The following RAI14 variants were observed in gnomAD, a reference collection of about 807,000 sequenced individuals.
The protein encoded by RAI14 is retinoic acid induced 14, also known as ankycorbin.
A neutral mutation model predicts 115.4 loss-of-function variants in RAI14; 45 were observed. That is an observed-to-expected ratio of 0.39 (90% CI 0.31 to 0.50). The LOEUF (loss-of-function observed/expected upper bound fraction) is 0.50, where lower values mean the gene tolerates loss of function less well. RAI14 is among the 20% of genes least tolerant of loss of function. The pLI, the probability that RAI14 is intolerant of heterozygous loss-of-function variation, is 0.85. For missense variants in RAI14, 939 were observed against 1,131.2 expected (o/e 0.83, Z 2.44); for synonymous variants, 371 against 415.4 (o/e 0.89, Z 1.30).
intron 2 of RAI14, among the ~76,000 whole-genome samples, chr5:34,715,822 G>C (rs1741914774): frequency 6.6e-6 from 1 of 152,150 alleles, no homozygotes; most frequent in African/African-American, 2.4e-5. Context: ...ATAAGAGGTG[G>C]TCAGTAAAAC....
chr5:34,763,223 C>G (rs187789650), intron 3 of RAI14, among the ~76,000 whole-genome samples: 16 of 152,274 alleles, frequency 1.1e-4, no homozygotes, highest in African/African-American at 3.4e-4. Context: ...GCAGTTCAGT[C>G]TTGGAAATCG....
chr5:34,708,867 C>G (rs1134341), intron 2 of RAI14, among the ~76,000 whole-genome samples: 50,498 of 151,878 alleles, frequency 0.33, 10,285 homozygotes, highest in African/African-American at 0.59. Flanking sequence ...AACTGGGCAG[C>G]CATGGTGGCT....
At chr5:34,749,213 A>T (rs909324502) in intron 2 of RAI14, among the ~76,000 whole-genome samples, 2 of 152,222 alleles carry the variant, frequency 1.3e-5, no homozygotes, top group Non-Finnish European at 2.9e-5. Flanking sequence ...TTTTCTCAAG[A>T]TAATCTCAGA....
intron 2 of RAI14, among the ~76,000 whole-genome samples, chr5:34,752,938 A>G (rs1747320650): frequency 6.6e-6 from 1 of 151,734 alleles, no homozygotes; most frequent in Non-Finnish European, 1.5e-5. Context: ...CAGTCCAGAA[A>G]TGTATTTTAT....
At chr5:34,817,546 T>C (rs988954668) in intron 12 of RAI14, among the ~76,000 whole-genome samples, 4 of 152,146 alleles carry the variant, frequency 2.6e-5, no homozygotes, top group African/African-American at 9.7e-5. Flanking sequence ...TATGCAAATG[T>C]TTGTAGCAGC....
intron 2 of RAI14, among the ~76,000 whole-genome samples, chr5:34,699,245 T>C (rs901990479): frequency 2.6e-5 from 4 of 152,258 alleles, no homozygotes; most frequent in African/African-American, 9.6e-5. Context: ...GTGCTGTATG[T>C]ATTCCCAGTT....
chr5:34,777,057 G>T (rs891070591), intron 3 of RAI14, among the ~76,000 whole-genome samples: 1 of 151,046 alleles, frequency 6.6e-6, no homozygotes, highest in Non-Finnish European at 1.5e-5. Context: ...CGTAATACCA[G>T]CAGGAGGCTG....
intron 2 of RAI14, among the ~76,000 whole-genome samples, chr5:34,748,698 C>T (rs1426067306): frequency 6.6e-6 from 1 of 151,984 alleles, no homozygotes; most frequent in East Asian, 1.9e-4. Flanking sequence ...TTGGGAGCCT[C>T]ATGCCTATAA....
chr5:34,782,609 A>C (rs78006747), intron 3 of RAI14, among the ~76,000 whole-genome samples: 6,618 of 152,260 alleles, frequency 0.043, 199 homozygotes, highest in Non-Finnish European at 0.068. Context: ...ATTCTTTCCC[A>C]AAATTTGATC....
intron 3 of RAI14, 115 bp downstream of exon 3, chr5:34,757,713 G>A: frequency 7.7e-7 from 1 of 1,306,300 alleles, no homozygotes; most frequent in Non-Finnish European, 1.0e-6. Context: ...CTCCCATGTT[G>A]AAATATGTAA....
At chr5:34,803,507 T>C (rs1174945001) in intron 4 of RAI14, among the ~76,000 whole-genome samples, 1 of 152,000 alleles carries the variant, frequency 6.6e-6, no homozygotes, top group Non-Finnish European at 1.5e-5. Context: ...CAGAGAGCCA[T>C]GATCGCGTCA....
At chr5:34,822,490 C>T (rs1756962102) in intron 14 of RAI14, among the ~76,000 whole-genome samples, 1 of 151,124 alleles carries the variant, frequency 6.6e-6, no homozygotes, top group African/African-American at 2.4e-5. Flanking sequence ...AATCGTCTGT[C>T]CCAATAGAAC....
intron 2 of RAI14, among the ~76,000 whole-genome samples, chr5:34,754,766 T>A (rs571171404): frequency 1.2e-4 from 19 of 152,314 alleles, no homozygotes; most frequent in African/African-American, 4.1e-4. Flanking sequence ...AAGAGCAGGA[T>A]AGGGAAGATC....
rs562262652 is a variant in RAI14, at chr5:34,707,317, A to AT, written c.36+20364dup. ...CCACATCTCTACTAAAAATACAGAA[A>AT]TTAGCCCGACGTGGTGTCAGGTGCC... On this transcript the variant is annotated intron_variant, in intron 2 of 17. Coordinates refer to ENST00000265109, the MANE Select transcript of RAI14 (RefSeq NM_015577.3). 1.1e-4 allele frequency among the ~76,000 whole-genome samples: 17 copies of AT among 152,274 alleles called. No individual in the cohort carries two copies. The East Asian group carries it at 3.3e-3, about 29-fold the overall frequency.
In RAI14 at chr5:34,823,973, A is replaced by C. The variant is rs1757180282; in HGVS notation, c.2131A>C (p.Asn711His). ...GAAGTCTCAGTATTCAAAAGTGTTG[A>C]ATGAGTTGACCCAGCTCAAACAACT... ...EMKSQYSKVL[N>H]ELTQLKQLVD... The change falls in exon 15 of 18, where the codon AAT (asparagine) becomes CAT (histidine). Residue 711 changes from asparagine to histidine, a missense_variant. Physicochemically the swap from Asn to His is moderately conservative, Grantham distance 68. Transcript: ENST00000265109. This position sits in a 1 kb window ranked among gnomAD's most constrained non-coding sequence, Gnocchi z 4.5. The C allele has an allele frequency of 6.2e-7, 1 of 1,614,102 alleles. No homozygotes were observed. The highest frequency in any genetic ancestry group is 8.5e-7 in the Non-Finnish European group (1 of 1,179,948).
intron 11 of RAI14, among the ~76,000 whole-genome samples, chr5:34,814,075 A>G (rs1755903481): frequency 6.6e-6 from 1 of 152,170 alleles, no homozygotes; most frequent in Non-Finnish European, 1.5e-5. Context: ...GCTGCAATAC[A>G]TTTGCCTTTT....
chr5:34,698,063 TTTC>T (rs1739489024), intron 2 of RAI14, among the ~76,000 whole-genome samples: 1 of 38,414 alleles, frequency 2.6e-5, no homozygotes. Context: ...ACCCCTCCCC[TTTC>T]TCCCTCCCTT....
chr5:34,818,964 A>G, intron 13 of RAI14, 113 bp downstream of exon 13: 3 of 913,244 alleles, frequency 3.3e-6, no homozygotes, highest in South Asian at 1.8e-5. Flanking sequence ...ACAAGCCAGC[A>G]TGTCCACACA....
chr5:34,748,967 C>T (rs1746658870), intron 2 of RAI14, among the ~76,000 whole-genome samples: 1 of 152,104 alleles, frequency 6.6e-6, no homozygotes, highest in Admixed American at 6.5e-5. Flanking sequence ...CTAGTAGATA[C>T]ATATCCGTAA....
Sources: gnomAD v4.1 joint callset for allele counts (sites outside exome capture counted in the v4.1 genomes callset) on GRCh38, gnomAD v4.1.1 for gene constraint, Gnocchi (gnomAD v3.1) non-coding constraint, MANE v1.5 for transcripts, NCBI Gene and HGNC (gene_info 2026-07-23, HGNC 2026-07-21) for gene names.